Variants in CROCC observed in about 807,000 individuals in gnomAD.
CROCC encodes the protein rootletin.
A neutral mutation model predicts 245.2 loss-of-function variants in CROCC; 180 were observed. That is an observed-to-expected ratio of 0.73 (90% CI 0.65 to 0.83). CROCC has a LOEUF of 0.83. Among genes scored for constraint, CROCC ranks in the 40% least tolerant of loss-of-function variants. The pLI, the probability that CROCC is intolerant of heterozygous loss-of-function variation, is 0.00. For missense variants in CROCC, 2,688 were observed against 2,779.4 expected (o/e 0.97, Z 0.74); for synonymous variants, 1,205 against 1,241.6 (o/e 0.97, Z 0.62).
intron 26 of CROCC, 118 bp from the exon 27 acceptor site, chr1:16,960,639 AG>A (rs2076314947): frequency 8.0e-7 from 1 of 1,253,814 alleles, no homozygotes; most frequent in African/African-American, 1.6e-5. Flanking sequence ...CGAGCACTAA[AG>A]GAGAAAGGGT....
rs751550469 is a variant in CROCC, at chr1:16,970,683, C to T, written c.5700C>T (p.Ser1900=). Residue 1900 remains serine, a synonymous_variant, in exon 35 of 37, where the codon AGC becomes AGT. Coordinates refer to ENST00000375541, the MANE Select transcript of CROCC (RefSeq NM_014675.5). The part of the protein sequence containing the change: ...LRSHEDTVRL[S]AEKGRLDRTL... ...GCCATGAGGACACAGTGCGGCTGAG[C>T]GCAGAGAAGGGCCGCCTGGACCGCA... 5 of 1,600,954 alleles carry T rather than the reference C, an allele frequency of 3.1e-6. No homozygotes were observed. The highest frequency in any genetic ancestry group is 2.7e-5 in the African/African-American group (2 of 74,604).
At chr1:16,940,391 T>G (rs2075903533) in intron 13 of CROCC, among the ~76,000 whole-genome samples, 1 of 46,498 alleles carries the variant, frequency 2.2e-5, no homozygotes, top group Non-Finnish European at 4.2e-5. Context: ...GCCGGGCTAA[T>G]TTTTTTTTTT....
upstream of CROCC, among the ~76,000 whole-genome samples, chr1:16,918,731 G>GT (rs1322555949): frequency 6.4e-4 from 50 of 78,126 alleles, no homozygotes; most frequent in East Asian, 4.2e-3. Context: ...GGCCGGTTTA[G>GT]TTTTTTGTTT....
At chr1:16,944,020 G>A in intron 13 of CROCC, 80 bp from the exon 14 acceptor site, 2 of 1,373,626 alleles carry the variant, frequency 1.5e-6, no homozygotes, top group Non-Finnish European at 2.0e-6. Context: ...TGTAGCTCAT[G>A]GCTAGAGGAG....
Position 16,946,648 on chromosome 1 carries a change from C to T in CROCC, c.2284-113C>T. On this transcript the variant is annotated intron_variant, in intron 16 of 36. Transcript: ENST00000375541. ...CCATACACCCAAGGGCACTGTCCCT[C>T]ATTCCCTGGGAGCCTCCCCTGGGCT... is the stretch of plus-strand genomic sequence containing the variant. The T allele has an allele frequency of 5.7e-6, 7 of 1,229,912 alleles. No individual in the cohort carries two copies. The South Asian group carries it at 1.0e-4, about 18-fold the overall frequency. The allele number at this position is 1,229,912 out of a possible 1,614,324, so 76.2% of individuals were successfully genotyped here. A position where few individuals can be genotyped will look rare whatever the true frequency, so the allele number is the denominator to read the frequency against.
rs2076059550 is a variant in CROCC at position 16,946,859 on chromosome 1, G to T, written c.2382G>T (p.Arg794=). The change falls in exon 17 of 37, where the codon CGG becomes CGT. Residue 794 remains arginine, a synonymous_variant. Coordinates refer to ENST00000375541, the MANE Select transcript of CROCC (RefSeq NM_014675.5). ...AGCAGGAACGGCTAGAGGAGCTGCGGTTGGAGCAGGAGGTGGCGCGGCAGG... is the reference window on the plus strand; with the variant it reads ...AGCAGGAACGGCTAGAGGAGCTGCGTTTGGAGCAGGAGGTGGCGCGGCAGG... The part of the protein sequence containing the change: ...REEQERLEEL[R]LEQEVARQGL... 4 of 1,556,390 alleles carry T rather than the reference G, an allele frequency of 2.6e-6. No individual in the cohort carries two copies. The highest frequency in any genetic ancestry group is 4.8e-5 in the East Asian group (2 of 41,496).
chr1:16,956,705 C>G (rs2076254964), intron 25 of CROCC, among the ~76,000 whole-genome samples: 1 of 151,588 alleles, frequency 6.6e-6, no homozygotes, highest in Non-Finnish European at 1.5e-5. Flanking sequence ...TAGAAATGAT[C>G]CATTTTCGAT....
At chr1:16,938,545 C>T (rs1425420658) in intron 11 of CROCC, 62 bp downstream of exon 11, 34 of 1,445,310 alleles carry the variant, frequency 2.4e-5, no homozygotes, top group African/African-American at 4.2e-5. Flanking sequence ...TCCCCCGCCA[C>T]GTCTTTCGGT....
At chr1:16,928,913 G>A (rs140662803) in intron 3 of CROCC, among the ~76,000 whole-genome samples, 16,234 of 149,038 alleles carry the variant, frequency 0.11, 257 homozygotes, top group African/African-American at 0.17. Flanking sequence ...TGCAACCTCC[G>A]CCTCCCAGGT....
chr1:16,965,716 C>A lies in CROCC; in HGVS notation c.4406-7C>A. 6.3e-7 allele frequency: 1 copy of A among 1,596,888 alleles called. No homozygotes were observed. On this transcript the variant is annotated splice_polypyrimidine_tract_variant and splice_region_variant and intron_variant, in intron 27 of 36. Transcript: ENST00000375541. ...GCATCACTGAGCAAGTCTTCTTTCT[C>A]TTCTAGGAAGCGGGGAAGGGCTCAA...
In CROCC at chr1:16,938,935, C is replaced by A; in HGVS notation, c.1401C>A (p.Gly467=). Residue 467 remains glycine, a synonymous_variant, in exon 12 of 37, where the codon GGC becomes GGA. Transcript: ENST00000375541. ...CCGTCTTGTCAGACTCTGAGAGCGG[C>A]GTCCAGCTGAGCGGCTCTGAGCGCA... ...AQAVLSDSES[G]VQLSGSERTA... is the part of the protein sequence containing the mutation. 6.2e-7 allele frequency: 1 copy of A among 1,602,046 alleles called. No individual in the cohort carries two copies. Among genetic ancestry groups the A allele is most frequent in the Non-Finnish European group, 8.5e-7 (1 of 1,176,850 alleles).
Position 16,925,179 on chromosome 1 carries a change from T to C in CROCC, c.351+700T>C, listed in dbSNP as rs555966060. Among the ~76,000 whole-genome samples, 9 of 152,332 alleles carry C rather than the reference T, an allele frequency of 5.9e-5. No individual in the cohort carries two copies. The East Asian group carries it at 1.5e-3, about 26-fold the overall frequency. ...TGGGAAGTTGGTGGTGGCTGAAGAT[T>C]GGTAAGGGACACTCGCAGCTGGGAC... On this transcript the variant is annotated intron_variant, in intron 3 of 36. Transcript: ENST00000375541.
At chr1:16,955,709 G>T (rs1330615923) in intron 24 of CROCC, among the ~76,000 whole-genome samples, 159 bp downstream of exon 24, 1 of 152,158 alleles carries the variant, frequency 6.6e-6, no homozygotes, top group African/African-American at 2.4e-5. Context: ...TTTCCTCCCT[G>T]TTGATTGGGG....
intron 1 of CROCC, 26 bp from the exon 2 acceptor site, chr1:16,922,637 T>A: frequency 1.3e-6 from 2 of 1,585,474 alleles, no homozygotes; most frequent in East Asian, 4.5e-5. Context: ...CCATGTCCCC[T>A]GAAGACCCTC....
At chr1:16,968,150 G>A in intron 30 of CROCC, 53 bp from the exon 31 acceptor site, 2 of 1,522,932 alleles carry the variant, frequency 1.3e-6, no homozygotes, top group Non-Finnish European at 8.9e-7. Context: ...GCGTGTGCGG[G>A]AGGGCTGCGG....
chr1:16,924,260 C>G (rs986241541), intron 2 of CROCC, 65 bp from the exon 3 acceptor site: 1 of 1,577,356 alleles, frequency 6.3e-7, no homozygotes, highest in Admixed American at 1.7e-5. Flanking sequence ...TCTTGCCCTC[C>G]CTGTTGGGGG....
In CROCC at chr1:16,970,642, C is replaced by T. The variant is rs778556117; in HGVS notation, c.5659C>T (p.Arg1887Trp). 14 of 1,548,124 alleles carry T rather than the reference C, an allele frequency of 9.0e-6. No homozygotes were observed. The highest frequency in any genetic ancestry group is 1.1e-5 in the Non-Finnish European group (13 of 1,146,124). ...CTGTGGCTCTCCTGCCTAGGTGGAGCGGGAGAAGCTTCGTAGCCATGAGGA... is the reference window on the plus strand; with the variant it reads ...CTGTGGCTCTCCTGCCTAGGTGGAGTGGGAGAAGCTTCGTAGCCATGAGGA... ...ALRRTLDKVE[R>W]EKLRSHEDTV... The change falls in exon 35 of 37, where the codon CGG becomes TGG. Residue 1887 changes from arginine to tryptophan, a missense_variant. By Grantham distance (101) the Arg-to-Trp change is moderately radical. Transcript: ENST00000375541.
intron 30 of CROCC, 114 bp from the exon 31 acceptor site, chr1:16,968,089 C>T (rs918596814): frequency 1.4e-5 from 15 of 1,066,482 alleles, no homozygotes; most frequent in Admixed American, 4.3e-5. Context: ...CCCCAGGTCA[C>T]GTAGGTCACC....
chr1:16,942,807 C>T (rs113486959), intron 13 of CROCC, among the ~76,000 whole-genome samples: 1,179 of 151,760 alleles, frequency 7.8e-3, no homozygotes, highest in African/African-American at 0.027. Flanking sequence ...GCTATTTTTA[C>T]TTAACAGCAC....
Sources: allele counts gnomAD v4.1 joint callset (sites outside exome capture counted in the v4.1 genomes callset), GRCh38; gene constraint gnomAD v4.1.1; transcripts MANE v1.5; gene names NCBI Gene and HGNC (gene_info 2026-07-23, HGNC 2026-07-21).